The following DNAAF9 variants were observed in gnomAD, a reference collection of about 807,000 sequenced individuals.
DNAAF9 encodes dynein axonemal assembly factor 9.
In DNAAF9, 90 loss-of-function variants were observed where a neutral mutation model predicts 167.0. The observed-to-expected ratio is 0.54, with a 90% CI of 0.45 to 0.64. The LOEUF (loss-of-function observed/expected upper bound fraction) is 0.64. DNAAF9 is among the 30% of genes least tolerant of loss of function. The pLI is 0.00. For missense variants in DNAAF9, 1,315 were observed against 1,442.2 expected, an observed-to-expected ratio of 0.91 and a Z score of 1.43; for synonymous variants, 491 against 508.8, an observed-to-expected ratio of 0.96 and a Z score of 0.47.
intron 20 of DNAAF9, among the ~76,000 whole-genome samples, chr20:3,305,101 A>G (rs2069267113): frequency 6.6e-6 from 1 of 152,184 alleles, no homozygotes; most frequent in Admixed American, 6.5e-5. Flanking sequence ...CAAAAGCAAG[A>G]TGGGTGACAG....
chr20:3,372,609 G>A (rs1742645719), intron 6 of DNAAF9, among the ~76,000 whole-genome samples: 1 of 152,186 alleles, frequency 6.6e-6, no homozygotes, highest in African/African-American at 2.4e-5. Flanking sequence ...TTTGGGTTAT[G>A]TCAACTATGT....
At chr20:3,368,513 A>C (rs1189662669) in intron 6 of DNAAF9, among the ~76,000 whole-genome samples, 2 of 134,782 alleles carry the variant, frequency 1.5e-5, no homozygotes, top group East Asian at 4.3e-4. Context: ...ACTTCCTGGA[A>C]GCTTTTTTTT....
chr20:3,368,089 T>C (rs2083452985), intron 6 of DNAAF9, among the ~76,000 whole-genome samples: 1 of 144,740 alleles, frequency 6.9e-6, no homozygotes, highest in African/African-American at 2.6e-5. Context: ...TGACCTTGAG[T>C]AGTTACCACA....
At chr20:3,300,940 A>G (rs959257440) in intron 21 of DNAAF9, among the ~76,000 whole-genome samples, 4 of 151,618 alleles carry the variant, frequency 2.6e-5, no homozygotes, top group Non-Finnish European at 1.5e-5. Flanking sequence ...TACAACAGAG[A>G]AGAAAGTTTT....
At chr20:3,385,482 A>G (rs568395038) in intron 1 of DNAAF9, among the ~76,000 whole-genome samples, 5 of 152,068 alleles carry the variant, frequency 3.3e-5, no homozygotes, top group Admixed American at 3.3e-4. Context: ...CAGTGGTGTG[A>G]TCATAGCTCA....
At chr20:3,386,164 C>T (rs2083733593) in intron 1 of DNAAF9, among the ~76,000 whole-genome samples, 1 of 152,036 alleles carries the variant, frequency 6.6e-6, no homozygotes, top group Non-Finnish European at 1.5e-5. Flanking sequence ...AGCAAAGGAA[C>T]TACAATAGCT....
chr20:3,384,564 G>T (rs570644334), intron 1 of DNAAF9: 3 of 149,998 alleles, frequency 2.0e-5, no homozygotes, highest in Non-Finnish European at 4.4e-5. Flanking sequence ...AAGAGATGGG[G>T]TCTCATTAAT....
chr20:3,324,865 T>C, intron 14 of DNAAF9, 27 bp downstream of exon 14: 1 of 1,234,332 alleles, frequency 8.1e-7, no homozygotes, highest in Non-Finnish European at 1.2e-6. Context: ...AAAAAATTCC[T>C]TATAAAAAAT....
At chr20:3,364,951 T>C (rs1384718742) in intron 6 of DNAAF9, among the ~76,000 whole-genome samples, 3 of 150,992 alleles carry the variant, frequency 2.0e-5, no homozygotes, top group Non-Finnish European at 3.0e-5. Flanking sequence ...TTTTTTCTTT[T>C]TTTTTTTTTT....
intron 30 of DNAAF9, among the ~76,000 whole-genome samples, chr20:3,265,110 C>G (rs2068465041): frequency 6.6e-6 from 1 of 152,142 alleles, no homozygotes. Flanking sequence ...GTTAGAAATG[C>G]AGAACCTCAG....
At position 3,295,802 on chromosome 20, in the gene DNAAF9, C is replaced by T. The variant is rs558904375; in HGVS notation, c.2018+1059G>A. 6 of 839,818 alleles carry T rather than the reference C, an allele frequency of 7.1e-6. No homozygotes were observed. The African/African-American group carries it at 8.4e-5, about 12-fold the overall frequency. The allele number at this position is 839,818 out of a possible 1,614,324, so 52.0% of individuals were successfully genotyped here. ...AATGATGTTCTGCAGCTTCAATATT[C>T]AGTGGATCATCAAAATTCAAAAATC... On this transcript the variant is annotated intron_variant, in intron 23 of 36. Transcript: ENST00000252032.
chr20:3,329,471 A>C (rs2069780160), intron 12 of DNAAF9, among the ~76,000 whole-genome samples: 1 of 152,218 alleles, frequency 6.6e-6, no homozygotes, highest in African/African-American at 2.4e-5. Flanking sequence ...AAATATATAA[A>C]TTAAGATACT....
chr20:3,374,502 C>T (rs2083550237), intron 5 of DNAAF9, among the ~76,000 whole-genome samples: 1 of 152,186 alleles, frequency 6.6e-6, no homozygotes, highest in African/African-American at 2.4e-5. Flanking sequence ...TGGCTCCTTT[C>T]CCTTAAGAAA....
chr20:3,363,346 C>T (rs1279693272), intron 6 of DNAAF9, among the ~76,000 whole-genome samples: 18 of 151,438 alleles, frequency 1.2e-4, no homozygotes, highest in Non-Finnish European at 2.9e-5. Context: ...CACCTGTAAT[C>T]CCAGCTACTT....
chr20:3,290,156 A>C lies in DNAAF9; in HGVS notation c.2300T>G (p.Leu767Arg). ...GCCACATTCCTTATGCAGAGTGACC[A>C]GAAAAGCACAGAGCTCGCTAGCGTG... ...GCHASELCAF[L>R]VTLHKECGRW... is the part of the protein sequence containing the mutation. The change falls in exon 26 of 37, where the codon CTG (leucine) becomes CGG (arginine). Residue 767 changes from leucine to arginine, a missense_variant. Leu to Arg is a moderately radical substitution (Grantham distance 102, BLOSUM62 -2). Transcript: ENST00000252032. 1 of 1,612,316 alleles carries C rather than the reference A, an allele frequency of 6.2e-7. No homozygotes were observed. Among genetic ancestry groups the C allele is most frequent in the Non-Finnish European group, 8.5e-7 (1 of 1,178,278 alleles).
intron 6 of DNAAF9, among the ~76,000 whole-genome samples, chr20:3,372,270 T>TCC (rs1038793390): frequency 6.6e-6 from 1 of 152,112 alleles, no homozygotes; most frequent in Non-Finnish European, 1.5e-5. Context: ...GCCAAACTGC[T>TCC]CCACACCTCA....
At chr20:3,356,570 T>A (rs1433559476) in intron 7 of DNAAF9, among the ~76,000 whole-genome samples, 1 of 152,232 alleles carries the variant, frequency 6.6e-6, no homozygotes, top group Non-Finnish European at 1.5e-5. Flanking sequence ...ATTGCCCTCT[T>A]TTCTCTTTTG....
At chr20:3,271,948 A>G (rs1388386078) in intron 29 of DNAAF9, among the ~76,000 whole-genome samples, 2 of 151,972 alleles carry the variant, frequency 1.3e-5, no homozygotes, top group Admixed American at 6.6e-5. Flanking sequence ...AAAATTTCAA[A>G]CATACACAAC....
At chr20:3,294,435 A>T in intron 24 of DNAAF9, 93 bp downstream of exon 24, 2 of 885,478 alleles carry the variant, frequency 2.3e-6, no homozygotes, top group Non-Finnish European at 3.7e-6. Context: ...CTAAGAAACT[A>T]CAAGAAAAAG....
Sources: allele counts gnomAD v4.1 joint callset (sites outside exome capture counted in the v4.1 genomes callset), GRCh38; gene constraint gnomAD v4.1.1; transcripts MANE v1.5; gene names NCBI Gene and HGNC (gene_info 2026-07-23, HGNC 2026-07-21).